The following EPAS1 variants were observed in gnomAD, a reference collection of about 807,000 sequenced individuals.
EPAS1 encodes endothelial PAS domain-containing protein 1.
Under a neutral mutation model 87.9 loss-of-function variants are expected in EPAS1, and 23 were observed. The ratio of observed to expected loss-of-function variants is 0.26; its 90% CI spans 0.19 to 0.37. The LOEUF (loss-of-function observed/expected upper bound fraction) is 0.37. Among genes scored for constraint, EPAS1 ranks in the 10% least tolerant of loss-of-function variants. The pLI is 1.00. For missense variants in EPAS1, 1,138 were observed against 1,120.7 expected, an observed-to-expected ratio of 1.02 and a Z score of -0.22; for synonymous variants, 508 against 444.3, an observed-to-expected ratio of 1.14 and a Z score of -1.80.
chr2:46,318,571 C>T (rs953837310), intron 1 of EPAS1, among the ~76,000 whole-genome samples: 1 of 152,180 alleles, frequency 6.6e-6, no homozygotes, highest in African/African-American at 2.4e-5. Context: ...AACTGTGCTA[C>T]CATTTTTATT....
At chr2:46,326,302 C>A (rs1683563515) in intron 1 of EPAS1, among the ~76,000 whole-genome samples, 1 of 152,186 alleles carries the variant, frequency 6.6e-6, no homozygotes, top group Admixed American at 6.5e-5. Context: ...GGGAATTCGA[C>A]TATCAAGATT....
chr2:46,381,045 T>A (rs894518237), intron 12 of EPAS1: 4 of 416,172 alleles, frequency 9.6e-6, no homozygotes, highest in African/African-American at 6.0e-5. Context: ...TGAGTGATGA[T>A]TTTCCCTGGT....
chr2:46,359,544 T>TA (rs1306062142), intron 4 of EPAS1, among the ~76,000 whole-genome samples: 2 of 152,148 alleles, frequency 1.3e-5, no homozygotes, highest in Non-Finnish European at 2.9e-5. Flanking sequence ...CTCTCTTTTT[T>TA]AAAAAAATTC....
chr2:46,337,940 C>T (rs1278705736), intron 1 of EPAS1, among the ~76,000 whole-genome samples: 1 of 152,126 alleles, frequency 6.6e-6, no homozygotes, highest in Non-Finnish European at 1.5e-5. Context: ...GAGGGGCTGG[C>T]CTCAGGCAAA....
At chr2:46,305,642 T>C (rs1347654259) in intron 1 of EPAS1, among the ~76,000 whole-genome samples, 1 of 152,174 alleles carries the variant, frequency 6.6e-6, no homozygotes, top group Non-Finnish European at 1.5e-5. Context: ...TCATCTGACG[T>C]TTTGTGAATT....
chr2:46,299,917 G>A (rs988040403), intron 1 of EPAS1, among the ~76,000 whole-genome samples: 1 of 152,230 alleles, frequency 6.6e-6, no homozygotes, highest in African/African-American at 2.4e-5. Context: ...AACCACTGTG[G>A]GGACTGCCTG....
At chr2:46,377,796 A>G in intron 9 of EPAS1, 98 bp from the exon 10 acceptor site, 7 of 1,548,364 alleles carry the variant, frequency 4.5e-6, no homozygotes, top group Non-Finnish European at 6.1e-6. Flanking sequence ...TGCCTTCCAG[A>G]CCCTCTTAGG....
chr2:46,332,402 G>A (rs1683703180), intron 1 of EPAS1, among the ~76,000 whole-genome samples: 3 of 151,074 alleles, frequency 2.0e-5, no homozygotes, highest in Admixed American at 2.0e-4. Context: ...TCTAATAAAA[G>A]TGATTTGCAG....
At chr2:46,311,043 A>AT (rs1003909679) in intron 1 of EPAS1, among the ~76,000 whole-genome samples, 4 of 151,818 alleles carry the variant, frequency 2.6e-5, no homozygotes, top group African/African-American at 4.8e-5. Flanking sequence ...TGCCCAGCTA[A>AT]TTTTTTTTGT....
chr2:46,349,227 A>T (rs1341768977), intron 2 of EPAS1, among the ~76,000 whole-genome samples: 6 of 152,092 alleles, frequency 3.9e-5, no homozygotes. Context: ...ACATTCAGAG[A>T]GTTGTCCTGT....
Position 46,386,391 on chromosome 2 carries a change from A to T in EPAS1, c.*1731A>T, listed in dbSNP as rs183365220. 3 of 152,792 alleles carry T rather than the reference A, an allele frequency of 2.0e-5. No individual in the cohort carries two copies. In the East Asian group the frequency reaches 5.8e-4, roughly 29 times the overall value. 9.5% of individuals were successfully genotyped at this position (152,792 alleles called of 1,614,324 possible). On this transcript the variant is annotated 3_prime_UTR_variant, in exon 16 of 16. Coordinates refer to ENST00000263734, the MANE Select transcript of EPAS1 (RefSeq NM_001430.5). ...CCTTAGTCATGGTGTTGCGTAAATC[A>T]TATTTTAGCTGCACGGCATTACCCC...
At position 46,378,674 on chromosome 2, in the gene EPAS1, C is replaced by G; in HGVS notation, c.1461C>G (p.Asp487Glu). 6.2e-7 allele frequency: 1 copy of G among 1,614,118 alleles called. No homozygotes were observed. Among genetic ancestry groups the G allele is most frequent in the Non-Finnish European group, 8.5e-7 (1 of 1,179,978 alleles). ...SSCSTPNSPE[D>E]YYTSLDNDLK... ...GCCCCTAGCCCAATAGCCCTGAAGA[C>G]TATTACACATCTTTGGATAACGACC... Residue 487 changes from aspartate to glutamate, a missense_variant, in exon 11 of 16, where the codon GAC (aspartate) becomes GAG (glutamate). By Grantham distance (45) the Asp-to-Glu change is conservative (BLOSUM62 2). Around this residue, in one of 4 missense-constraint regions of EPAS1, gnomAD observed 284 missense variants for 258.4 expected, o/e 1.10. Coordinates refer to ENST00000263734, the MANE Select transcript of EPAS1 (RefSeq NM_001430.5).
chr2:46,349,128 G>A (rs1684092447), intron 2 of EPAS1, among the ~76,000 whole-genome samples: 1 of 152,204 alleles, frequency 6.6e-6, no homozygotes, highest in Admixed American at 6.5e-5. Flanking sequence ...CAAGGGCTGG[G>A]GTATGGGGTG....
chr2:46,319,875 AT>A (rs1267241116), intron 1 of EPAS1, among the ~76,000 whole-genome samples: 1 of 152,148 alleles, frequency 6.6e-6, no homozygotes, highest in African/African-American at 2.4e-5. Flanking sequence ...TCTTTTTCAG[AT>A]TTCTTGTCTA....
intron 6 of EPAS1, among the ~76,000 whole-genome samples, chr2:46,362,962 G>A (rs933718551): frequency 6.2e-5 from 6 of 97,442 alleles, no homozygotes; most frequent in Non-Finnish European, 7.9e-5. Context: ...TAGTGGTGGT[G>A]GTGGTGGTGG....
At position 46,385,187 on chromosome 2, in the gene EPAS1, G is replaced by GT. The variant is rs75932330; in HGVS notation, c.*540dup. 28 of 149,928 alleles carry GT rather than the reference G, an allele frequency of 1.9e-4. No homozygotes were observed. Among genetic ancestry groups the GT allele is most frequent in the South Asian group, 6.3e-4 (3 of 4,776 alleles). The allele number at this position is 149,928 out of a possible 1,614,324, so 9.3% of individuals were successfully genotyped here. ...TAATCACCATATTGTAAATTTCAGG[G>GT]TTTTTTTTTTTTTGTTTAAGCTGAC... On this transcript the variant is annotated 3_prime_UTR_variant, in exon 16 of 16. Transcript: ENST00000263734.
chr2:46,367,115 T>A (rs527814629), intron 6 of EPAS1, among the ~76,000 whole-genome samples: 8 of 152,402 alleles, frequency 5.2e-5, no homozygotes, highest in Admixed American at 4.6e-4. Flanking sequence ...CTGGCAGTTC[T>A]GAAATCTAGG....
chr2:46,338,480 G>T (rs939925702), intron 1 of EPAS1, among the ~76,000 whole-genome samples: 1 of 152,152 alleles, frequency 6.6e-6, no homozygotes, highest in Non-Finnish European at 1.5e-5. Context: ...TCCTGCACCC[G>T]CTGGCTTTCT....
At chr2:46,325,539 A>G (rs948249874) in intron 1 of EPAS1, among the ~76,000 whole-genome samples, 4 of 152,172 alleles carry the variant, frequency 2.6e-5, no homozygotes, top group African/African-American at 9.7e-5. Context: ...CTGAGAATCC[A>G]GGCGGGATAA....
Sources: gnomAD v4.1 joint callset for allele counts (sites outside exome capture counted in the v4.1 genomes callset) on GRCh38, gnomAD v4.1.1 for gene constraint, gnomAD v4.1.1 regional missense constraint, MANE v1.5 for transcripts, NCBI Gene and HGNC (gene_info 2026-07-23, HGNC 2026-07-21) for gene names.